The following MBNL2 variants were observed in gnomAD, a reference collection of about 807,000 sequenced individuals.
MBNL2 encodes the protein muscleblind like splicing regulator 2.
In MBNL2, 17 loss-of-function variants were observed where a neutral mutation model predicts 41.9. The observed-to-expected ratio is 0.41, with a 90% confidence interval of 0.28 to 0.61. The LOEUF is 0.61. Among genes scored for constraint, MBNL2 ranks in the 20% least tolerant of loss-of-function variants. MBNL2 has a pLI of 0.35. For missense variants in MBNL2, 336 were observed against 505.6 expected, an observed-to-expected ratio of 0.66 and a Z score of 3.22; for synonymous variants, 195 against 182.9, an observed-to-expected ratio of 1.07 and a Z score of -0.53.
rs372286578 is a variant in MBNL2 at position 97,277,860 on chromosome 13, C to A, written c.174+1451C>A. On this transcript the variant is annotated intron_variant, in intron 2 of 8. Coordinates refer to ENST00000679496, the MANE Select transcript of MBNL2 (RefSeq NM_001382683.1). ...ACAATTCATATAAACTATAACAGTA[C>A]AAGCATGGTTATATGTTAGTATTTA... Among the ~76,000 whole-genome samples, 4 of 152,166 alleles carry A rather than the reference C, an allele frequency of 2.6e-5. No homozygotes were observed. The East Asian group carries it at 7.7e-4, about 29-fold the overall frequency.
intron 8 of MBNL2, among the ~76,000 whole-genome samples, chr13:97,371,680 A>G (rs1239890970): frequency 6.6e-6 from 1 of 152,182 alleles, no homozygotes; most frequent in African/African-American, 2.4e-5. Context: ...TGTAGAGGCC[A>G]TTAAGAGGTT....
At chr13:97,236,602 A>T (rs946669666) in intron 1 of MBNL2, among the ~76,000 whole-genome samples, 1 of 151,494 alleles carries the variant, frequency 6.6e-6, no homozygotes, top group East Asian at 2.0e-4. Context: ...GTGGGAAGGT[A>T]GTCCTATATT....
In MBNL2 at chr13:97,366,613, TA is replaced by T. The variant is rs914085091; in HGVS notation, c.1048+1452del. On this transcript the variant is annotated intron_variant, in intron 8 of 8. Transcript: ENST00000679496. The surrounding 1 kb of genome is among the most constrained non-coding windows in gnomAD (Gnocchi z 4.7). ...CAAACTCTAAATGAGTGCTGATATTTAAAAAAAAAATTCTCGGTGAGAATTT... is the reference window on the plus strand; with the variant it reads ...CAAACTCTAAATGAGTGCTGATATTTAAAAAAAAATTCTCGGTGAGAATTT... The T allele has an allele frequency of 1.5e-3, 1,509 of 985,616 alleles. No individual in the cohort carries two copies. Among genetic ancestry groups the T allele is most frequent in the Non-Finnish European group, 1.9e-3 (1,192 of 637,304 alleles). 61.1% of individuals were successfully genotyped at this position (985,616 alleles called of 1,614,324 possible).
At chr13:97,245,935 T>C (rs770017955) in intron 1 of MBNL2, among the ~76,000 whole-genome samples, 5 of 152,244 alleles carry the variant, frequency 3.3e-5, no homozygotes, top group Non-Finnish European at 7.3e-5. Context: ...CTAGTGCCTT[T>C]AAAGCACCTA....
chr13:97,245,896 C>T (rs1175060699), intron 1 of MBNL2, among the ~76,000 whole-genome samples: 7 of 152,156 alleles, frequency 4.6e-5, no homozygotes, highest in Admixed American at 3.3e-4. Flanking sequence ...AGTTAAGTAA[C>T]AGATGATGAG....
chr13:97,168,991 T>C, the MBNL2 span, among the ~76,000 whole-genome samples: 1 of 152,156 alleles, frequency 6.6e-6, no homozygotes, highest in Admixed American at 6.5e-5. Flanking sequence ...AGACAGAAAG[T>C]GCTGGAGCCT....
At chr13:97,292,544 C>T (rs1451733290) in intron 2 of MBNL2, among the ~76,000 whole-genome samples, 1 of 152,156 alleles carries the variant, frequency 6.6e-6, no homozygotes, top group African/African-American at 2.4e-5. Flanking sequence ...ACAGAAAGTT[C>T]TATTTGATCA....
At chr13:97,293,708 G>A (rs1377069932) in intron 2 of MBNL2, among the ~76,000 whole-genome samples, 1 of 152,056 alleles carries the variant, frequency 6.6e-6, no homozygotes, top group Non-Finnish European at 1.5e-5. Flanking sequence ...TCTGAGCTTA[G>A]TATTTCCTGA....
chr13:97,264,619 T>C (rs976149341), intron 1 of MBNL2, among the ~76,000 whole-genome samples: 2 of 152,266 alleles, frequency 1.3e-5, no homozygotes, highest in African/African-American at 4.8e-5. Context: ...GTTTTTAAAG[T>C]GTGTCTGTTG....
chr13:97,165,219 C>A, the MBNL2 span, among the ~76,000 whole-genome samples: 15,439 of 151,868 alleles, frequency 0.1, 877 homozygotes, highest in South Asian at 0.16. Context: ...GAAAAAAAAA[C>A]CCTTCATTTT....
chr13:97,304,700 A>C (rs1229582345), intron 2 of MBNL2, among the ~76,000 whole-genome samples: 1 of 152,244 alleles, frequency 6.6e-6, no homozygotes, highest in Non-Finnish European at 1.5e-5. Flanking sequence ...TGTTATAAAA[A>C]TCAAGTGATG....
the MBNL2 span, among the ~76,000 whole-genome samples, chr13:97,148,793 A>G: frequency 3.3e-5 from 5 of 152,236 alleles, no homozygotes; most frequent in African/African-American, 1.2e-4. Context: ...ATGTGATGGA[A>G]TCCAAAATGA....
the MBNL2 span, among the ~76,000 whole-genome samples, chr13:97,156,298 C>T: frequency 7.0e-6 from 1 of 142,612 alleles, no homozygotes. Context: ...TGGATATTAG[C>T]CCTTTGTCAG....
rs536861027 is a variant in MBNL2, at chr13:97,232,177, T to C, written c.-605+9646T>C. Among the ~76,000 whole-genome samples, 19 of 152,328 alleles carry C rather than the reference T, an allele frequency of 1.2e-4. No individual in the cohort carries two copies. In the East Asian group the frequency reaches 3.7e-3, roughly 29 times the overall value. On this transcript the variant is annotated intron_variant, in intron 1 of 8. Coordinates refer to ENST00000679496, the MANE Select transcript of MBNL2 (RefSeq NM_001382683.1). Reference sequence around the variant, plus strand: ...CCTGATTGTTGAGTCTCATACCTTGTTATAGGTCATCCATCTCGTGCCCCT... The same window carrying C: ...CCTGATTGTTGAGTCTCATACCTTGCTATAGGTCATCCATCTCGTGCCCCT...
At chr13:97,231,715 TG>T (rs1487035287) in intron 1 of MBNL2, among the ~76,000 whole-genome samples, 1 of 152,168 alleles carries the variant, frequency 6.6e-6, no homozygotes, top group Non-Finnish European at 1.5e-5. Flanking sequence ...ATCTTCTCAG[TG>T]GACACAGACT....
At chr13:97,332,630 T>A (rs1049503155) in intron 2 of MBNL2, among the ~76,000 whole-genome samples, 12 of 152,200 alleles carry the variant, frequency 7.9e-5, no homozygotes, top group Non-Finnish European at 1.5e-4. Context: ...AAAGAGAGAT[T>A]CGTATACTAC....
At chr13:97,203,924 G>A in the MBNL2 span, among the ~76,000 whole-genome samples, 19 of 152,014 alleles carry the variant, frequency 1.2e-4, no homozygotes, top group East Asian at 1.9e-3. Flanking sequence ...ATGGACGGAC[G>A]GATGAATGGA....
intron 2 of MBNL2, among the ~76,000 whole-genome samples, chr13:97,285,673 T>A (rs1175874085): frequency 1.3e-5 from 2 of 152,186 alleles, no homozygotes; most frequent in African/African-American, 4.8e-5. Context: ...AATAAACAAA[T>A]ACATATTGAT....
At chr13:97,203,603 T>G in the MBNL2 span, among the ~76,000 whole-genome samples, 1 of 152,200 alleles carries the variant, frequency 6.6e-6, no homozygotes, top group Non-Finnish European at 1.5e-5. Flanking sequence ...GATCAAATAT[T>G]ACCCTCTTGG....
Sources: gnomAD v4.1 joint callset for allele counts (sites outside exome capture counted in the v4.1 genomes callset) on GRCh38, gnomAD v4.1.1 for gene constraint, Gnocchi (gnomAD v3.1) non-coding constraint, MANE v1.5 for transcripts, NCBI Gene and HGNC (gene_info 2026-07-23, HGNC 2026-07-21) for gene names.